The following FAM3D variants were observed in gnomAD, a reference collection of about 807,000 sequenced individuals.
FAM3D encodes the protein protein FAM3D.
Under a neutral mutation model 29.8 loss-of-function variants are expected in FAM3D, and 26 were observed. That is an observed-to-expected ratio of 0.87 (90% CI 0.64 to 1.21). The LOEUF is 1.21. Among genes scored for constraint, FAM3D ranks in the 50% most tolerant of loss-of-function variants. FAM3D has a pLI of 0.00. For synonymous variants in FAM3D, 115 were observed against 102.3 expected (o/e 1.12, Z -0.75); for missense variants, 253 against 290.9 (o/e 0.87, Z 0.95).
chr3:58,634,273 G>A lies in FAM3D; in HGVS notation c.*6C>T. 1 of 1,613,446 alleles carries A rather than the reference G, an allele frequency of 6.2e-7. No individual in the cohort carries two copies. The highest frequency in any genetic ancestry group is 8.5e-7 in the Non-Finnish European group (1 of 1,179,838). ...GGCCCCTGGCTGAGGAAGAGCCACA[G>A]CCACCCTAAAATGGCTTCGGGGGCA... On this transcript the variant is annotated 3_prime_UTR_variant, in exon 10 of 10. Coordinates refer to ENST00000358781, the MANE Select transcript of FAM3D (RefSeq NM_138805.3). The surrounding 1 kb of genome is among the most constrained non-coding windows in gnomAD (Gnocchi z 4.6).
intron 6 of FAM3D, among the ~76,000 whole-genome samples, chr3:58,641,814 C>T (rs763649104): frequency 6.6e-6 from 1 of 152,238 alleles, no homozygotes; most frequent in Non-Finnish European, 1.5e-5. Flanking sequence ...TGGTTATTTT[C>T]ATCCTTTTGG....
chr3:58,660,156 CAAAG>C (rs1212890760), intron 1 of FAM3D, among the ~76,000 whole-genome samples: 3 of 152,060 alleles, frequency 2.0e-5, no homozygotes, highest in South Asian at 2.1e-4. Flanking sequence ...GGTAGAGAGA[CAAAG>C]AGAATGAAAA....
chr3:58,655,037 T>G (rs2066751900), intron 2 of FAM3D, among the ~76,000 whole-genome samples: 1 of 150,334 alleles, frequency 6.7e-6, no homozygotes, highest in Non-Finnish European at 1.5e-5. Flanking sequence ...ACTTGGCTAG[T>G]AAGTGTCAAA....
chr3:58,659,818 A>G (rs1446329134), intron 1 of FAM3D, among the ~76,000 whole-genome samples: 3 of 152,050 alleles, frequency 2.0e-5, no homozygotes, highest in Admixed American at 2.0e-4. Context: ...CATTACTAAC[A>G]TTTTTCTCCG....
Position 58,653,571 on chromosome 3 carries a change from G to A in FAM3D, c.121+103C>T, listed in dbSNP as rs1447239320. On this transcript the variant is annotated intron_variant, in intron 3 of 9. Transcript: ENST00000358781. The stretch of plus-strand genomic sequence containing the variant: ...TTGCTGGGGTCCCAAAGGCAGCACA[G>A]CTTGTCATGTCTCCTGGGTCACCTA... 2.7e-6 allele frequency: 3 copies of A among 1,125,670 alleles called. No homozygotes were observed. The Admixed American group carries it at 5.3e-5, about 20-fold the overall frequency. The allele number at this position is 1,125,670 out of a possible 1,614,324, so 69.7% of individuals were successfully genotyped here.
intron 6 of FAM3D, among the ~76,000 whole-genome samples, chr3:58,640,945 T>G (rs2066311080): frequency 6.6e-6 from 1 of 152,150 alleles, no homozygotes; most frequent in Non-Finnish European, 1.5e-5. Flanking sequence ...GTGAACGGAA[T>G]GCTTCACCTG....
At chr3:58,639,610 C>G (rs2066271016) in intron 7 of FAM3D, among the ~76,000 whole-genome samples, 1 of 152,200 alleles carries the variant, frequency 6.6e-6, no homozygotes, top group South Asian at 2.1e-4. Flanking sequence ...CCCATCCAGG[C>G]TCCATCCACA....
intron 3 of FAM3D, among the ~76,000 whole-genome samples, chr3:58,650,748 C>T (rs978760229): frequency 5.9e-5 from 9 of 152,140 alleles, no homozygotes; most frequent in African/African-American, 1.7e-4. Context: ...GACAGAGTCT[C>T]GCTCCGTCGC....
rs2066713577 is a variant in FAM3D at position 58,653,756 on chromosome 3, G to C, written c.39C>G (p.Ile13Met). The change falls in exon 3 of 10, where the codon ATC becomes ATG. Residue 13 changes from isoleucine (I) to methionine (M), a missense_variant. Ile to Met is a conservative substitution (Grantham distance 10, BLOSUM62 1). Coordinates refer to ENST00000358781, the MANE Select transcript of FAM3D (RefSeq NM_138805.3). ...ACATCCATGTCGTGACTATGGCAAA[G>C]ATGAGGGCCAGGAGGCGAAGCACAC... The part of the protein sequence containing the change: ...VSGVLRLLAL[I>M]FAIVTTWMFI... 1 of 1,613,850 alleles carries C rather than the reference G, an allele frequency of 6.2e-7. No individual in the cohort carries two copies. The highest frequency in any genetic ancestry group is 1.3e-5 in the African/African-American group (1 of 74,950).
At chr3:58,661,075 G>C (rs958000264) in intron 1 of FAM3D, among the ~76,000 whole-genome samples, 2 of 152,210 alleles carry the variant, frequency 1.3e-5, no homozygotes, top group Non-Finnish European at 2.9e-5. Context: ...CTTTGTAGGA[G>C]GAAAGCAGCC....
At chr3:58,636,935 C>T (rs998238269) in intron 8 of FAM3D, among the ~76,000 whole-genome samples, 1 of 152,140 alleles carries the variant, frequency 6.6e-6, no homozygotes, top group South Asian at 2.1e-4. Flanking sequence ...TATTATTGGA[C>T]AGGGAGAGGG....
At chr3:58,664,726 A>G (rs1329086847) in intron 1 of FAM3D, among the ~76,000 whole-genome samples, 1 of 152,324 alleles carries the variant, frequency 6.6e-6, no homozygotes, top group East Asian at 1.9e-4. Flanking sequence ...CACAACCTCT[A>G]TGTCTTTGTC....
chr3:58,661,720 C>T (rs934522313), intron 1 of FAM3D, among the ~76,000 whole-genome samples: 3 of 152,198 alleles, frequency 2.0e-5, no homozygotes, highest in African/African-American at 7.2e-5. Flanking sequence ...CCATCACGAT[C>T]TCTAATTTAG....
At chr3:58,648,349 C>T (rs2066535886) in intron 4 of FAM3D, among the ~76,000 whole-genome samples, 2 of 152,148 alleles carry the variant, frequency 1.3e-5, no homozygotes, top group South Asian at 4.2e-4. Context: ...AGCCACAGCC[C>T]TCTTCAGAGT....
At chr3:58,666,423 C>G (rs1473432236) in intron 1 of FAM3D, among the ~76,000 whole-genome samples, 153 bp downstream of exon 1, 1 of 152,220 alleles carries the variant, frequency 6.6e-6, no homozygotes, top group Non-Finnish European at 1.5e-5. Context: ...TCTCAGGAAT[C>G]TCTTCGATTA....
intron 7 of FAM3D, among the ~76,000 whole-genome samples, chr3:58,638,877 T>A (rs923736349): frequency 6.6e-6 from 1 of 152,246 alleles, no homozygotes; most frequent in African/African-American, 2.4e-5. Context: ...AGGGAGCTCT[T>A]AAAGCACCAT....
chr3:58,659,311 C>T (rs959275012), intron 1 of FAM3D, among the ~76,000 whole-genome samples: 1 of 152,216 alleles, frequency 6.6e-6, no homozygotes, highest in African/African-American at 2.4e-5. Context: ...ATCACAGCTC[C>T]TTTCTGCCTG....
chr3:58,647,978 C>T (rs1017832395), intron 4 of FAM3D, among the ~76,000 whole-genome samples: 1 of 152,196 alleles, frequency 6.6e-6, no homozygotes, highest in South Asian at 2.1e-4. Context: ...TCTTAAATGT[C>T]AATGTGGACC....
At position 58,643,672 on chromosome 3, in the gene FAM3D, G is replaced by A; in HGVS notation, c.312C>T (p.Ala104=). 1 of 1,613,706 alleles carries A rather than the reference G, an allele frequency of 6.2e-7. No individual in the cohort carries two copies. The highest frequency in any genetic ancestry group is 8.5e-7 in the Non-Finnish European group (1 of 1,180,040). Residue 104 remains alanine, a synonymous_variant, in exon 6 of 10, where the codon GCC becomes GCT. Transcript: ENST00000358781. ...GGATATGCAACTCACCATTCACCAG[G>A]GCGATGTTTAGGCCTCTGCCCACAT... The part of the protein sequence containing the change: ...KNNVGRGLNI[A]LVNGTTGAVL...
Sources: gnomAD v4.1 joint callset for allele counts (sites outside exome capture counted in the v4.1 genomes callset) on GRCh38, gnomAD v4.1.1 for gene constraint, Gnocchi (gnomAD v3.1) non-coding constraint, MANE v1.5 for transcripts, NCBI Gene and HGNC (gene_info 2026-07-23, HGNC 2026-07-21) for gene names.